The following ELFN2 variants were observed in gnomAD, a reference collection of about 807,000 sequenced individuals.
ELFN2 encodes protein phosphatase 1 regulatory subunit 29.
In ELFN2, 17 loss-of-function variants were observed where a neutral mutation model predicts 45.5. The observed-to-expected ratio is 0.37, with a 90% CI of 0.26 to 0.56. The LOEUF is 0.56. ELFN2 is among the 20% of genes least tolerant of loss of function. ELFN2 has a pLI of 0.77. For missense variants in ELFN2, 922 were observed against 1,183.2 expected, an observed-to-expected ratio of 0.78 and a Z score of 3.24; for synonymous variants, 550 against 551.5, an observed-to-expected ratio of 1.00 and a Z score of 0.04.
intron 2 of ELFN2, among the ~76,000 whole-genome samples, chr22:37,413,286 C>G (rs561826044): frequency 2.0e-5 from 3 of 152,018 alleles, no homozygotes; most frequent in African/African-American, 4.8e-5. Context: ...TTGCCTATTC[C>G]AAAATCAAAG....
rs1931319861 is a variant in ELFN2, at chr22:37,369,960, A to C, written c.*3112T>G. ...CCTTGGATGGCAACATTTTGTGAAT[A>C]CTTCCCTCCCGCCTGGGAAAAACTC... On this transcript the variant is annotated 3_prime_UTR_variant, in exon 3 of 3. Transcript: ENST00000402918. The C allele has an allele frequency of 6.6e-6, 1 of 152,242 alleles. No homozygotes were observed. Among genetic ancestry groups the C allele is most frequent in the African/African-American group, 2.4e-5 (1 of 41,430 alleles). 9.4% of individuals were successfully genotyped at this position (152,242 alleles called of 1,614,324 possible). A position where few individuals can be genotyped will look rare whatever the true frequency, so the allele number is the denominator to read the frequency against.
Position 37,369,873 on chromosome 22 carries a change from C to G in ELFN2, c.*3199G>C, listed in dbSNP as rs1325964453. ...CTGCCCTCTTTTCCTGGTGTCTGCC[C>G]TGCTGGCCTGCCCCAGACCACAGCC... On this transcript the variant is annotated 3_prime_UTR_variant, in exon 3 of 3. Coordinates refer to ENST00000402918, the MANE Select transcript of ELFN2 (RefSeq NM_052906.5). The G allele has an allele frequency of 6.5e-6, 1 of 152,760 alleles. No homozygotes were observed. The highest frequency in any genetic ancestry group is 1.9e-4 in the East Asian group (1 of 5,188). 9.5% of individuals were successfully genotyped at this position (152,760 alleles called of 1,614,324 possible). A position where few individuals can be genotyped will look rare whatever the true frequency, so the allele number is the denominator to read the frequency against.
intron 2 of ELFN2, among the ~76,000 whole-genome samples, chr22:37,393,109 C>T (rs1442059716): frequency 6.6e-6 from 1 of 152,212 alleles, no homozygotes; most frequent in African/African-American, 2.4e-5. Context: ...GTGACAGCTG[C>T]TGTGTGACCT....
intron 2 of ELFN2, among the ~76,000 whole-genome samples, chr22:37,411,984 A>T (rs1283722230): frequency 6.6e-6 from 1 of 151,992 alleles, no homozygotes; most frequent in Non-Finnish European, 1.5e-5. Flanking sequence ...CCAAAAAAAA[A>T]GTCTTCCCAG....
At chr22:37,356,344 G>A (rs1930949131) in intron 1 of ELFN2, among the ~76,000 whole-genome samples, 3 of 152,166 alleles carry the variant, frequency 2.0e-5, no homozygotes, top group Non-Finnish European at 4.4e-5. Flanking sequence ...TACAGCATGG[G>A]GCAGCCCCAG....
intron 2 of ELFN2, among the ~76,000 whole-genome samples, chr22:37,407,054 G>A (rs570263500): frequency 2.0e-5 from 3 of 152,364 alleles, no homozygotes; most frequent in Admixed American, 2.0e-4. Context: ...TTTGAAGCTG[G>A]ATAATTGAGC....
In ELFN2 at chr22:37,372,716, G is replaced by A. The variant is rs1225874990; in HGVS notation, c.*356C>T. On this transcript the variant is annotated 3_prime_UTR_variant, in exon 3 of 3. Transcript: ENST00000402918. The surrounding 1 kb of genome is among the most constrained non-coding windows in gnomAD (Gnocchi z 4.4). ...ACCCCCACACCTGTTTCTAGCCCCA[G>A]ACCCCCCAGACCCCACACCCTCTCT... The A allele has an allele frequency of 9.8e-6, 1 of 102,286 alleles. No homozygotes were observed. The highest frequency in any genetic ancestry group is 1.6e-5 in the Non-Finnish European group (1 of 62,808). 6.3% of individuals were successfully genotyped at this position (102,286 alleles called of 1,614,324 possible). A position where few individuals can be genotyped will look rare whatever the true frequency, so the allele number is the denominator to read the frequency against.
Position 37,427,344 on chromosome 22 carries a change from G to C in ELFN2, c.-660C>G, listed in dbSNP as rs1932861223. The C allele has an allele frequency of 6.5e-6, 1 of 152,898 alleles. No individual in the cohort carries two copies. The highest frequency in any genetic ancestry group is 2.1e-4 in the South Asian group (1 of 4,858). The allele number at this position is 152,898 out of a possible 1,614,324, so 9.5% of individuals were successfully genotyped here. Reference sequence around the variant, plus strand: ...GGCCAAGCACCGCCTCCGGGAAGCGGCGGCCGCGGGGCCTGCGCGTGTGAG... The same window carrying C: ...GGCCAAGCACCGCCTCCGGGAAGCGCCGGCCGCGGGGCCTGCGCGTGTGAG... On this transcript the variant is annotated 5_prime_UTR_variant, in exon 1 of 3. Transcript: ENST00000402918.
intron 2 of ELFN2, among the ~76,000 whole-genome samples, chr22:37,395,337 G>T (rs1353657231): frequency 6.6e-6 from 1 of 152,046 alleles, no homozygotes; most frequent in Admixed American, 6.6e-5. Context: ...CCACACGCCA[G>T]ACCCAAGTAG....
At chr22:37,379,489 C>T (rs1931687392) in intron 2 of ELFN2, among the ~76,000 whole-genome samples, 2 of 152,190 alleles carry the variant, frequency 1.3e-5, no homozygotes, top group Non-Finnish European at 2.9e-5. Flanking sequence ...TGGACCCCTC[C>T]CCTAGAGCTT....
At chr22:37,407,237 A>T (rs1277133574) in intron 2 of ELFN2, among the ~76,000 whole-genome samples, 1 of 152,180 alleles carries the variant, frequency 6.6e-6, no homozygotes, top group Non-Finnish European at 1.5e-5. Context: ...GGCTCTGGGA[A>T]AGTCCTTGCC....
rs114725261 is a variant in ELFN2, at chr22:37,376,018, G to A, written c.-462-22C>T. On this transcript the variant is annotated intron_variant, in intron 2 of 2. Coordinates refer to ENST00000402918, the MANE Select transcript of ELFN2 (RefSeq NM_052906.5). The stretch of plus-strand genomic sequence containing the variant: ...GTTCCTGAAAGGCAGCATCGAGAGC[G>A]GGTGACAGATCAGTGTGAGGGCTCA... 171 of 181,112 alleles carry A rather than the reference G, an allele frequency of 9.4e-4. 1 individual carries two copies. The highest frequency in any genetic ancestry group is 3.4e-3 in the African/African-American group (143 of 41,696). 11.2% of individuals were successfully genotyped at this position (181,112 alleles called of 1,614,324 possible).
intron 1 of ELFN2, among the ~76,000 whole-genome samples, chr22:37,422,253 G>A (rs1932813960): frequency 6.6e-6 from 1 of 152,122 alleles, no homozygotes; most frequent in Non-Finnish European, 1.5e-5. Flanking sequence ...AATGAACGGA[G>A]GGGGCAGATG....
chr22:37,376,623 G>A (rs1271487230), intron 2 of ELFN2, among the ~76,000 whole-genome samples: 1 of 152,206 alleles, frequency 6.6e-6, no homozygotes, highest in Non-Finnish European at 1.5e-5. Flanking sequence ...CATGGGGGAG[G>A]GGGAGCAGAA....
At chr22:37,343,713 C>A (rs1271892504) in intron 1 of ELFN2, among the ~76,000 whole-genome samples, 1 of 56,606 alleles carries the variant, frequency 1.8e-5, no homozygotes, top group Non-Finnish European at 3.7e-5. Flanking sequence ...CCAGACCCAC[C>A]CCCCCCGGAC....
downstream of ELFN2, among the ~76,000 whole-genome samples, chr22:37,363,896 C>T (rs550043055): frequency 1.1e-4 from 17 of 152,276 alleles, no homozygotes; most frequent in African/African-American, 2.9e-4. Context: ...AGCGGGAGGC[C>T]AGAACCGTCA....
intron 2 of ELFN2, among the ~76,000 whole-genome samples, chr22:37,400,435 G>A (rs773542519): frequency 3.3e-5 from 5 of 152,132 alleles, no homozygotes; most frequent in Non-Finnish European, 7.3e-5. Context: ...GGGCAGGGCT[G>A]GGGCAAAGGC....
chr22:37,390,805 A>G (rs192225921), intron 2 of ELFN2, among the ~76,000 whole-genome samples: 142 of 152,202 alleles, frequency 9.3e-4, no homozygotes, highest in Middle Eastern at 3.4e-3. Context: ...CTGCTCCATG[A>G]CCATGACTGC....
downstream of ELFN2, among the ~76,000 whole-genome samples, chr22:37,363,111 A>G (rs1221304521): frequency 6.6e-6 from 1 of 152,190 alleles, no homozygotes; most frequent in East Asian, 1.9e-4. Flanking sequence ...TAGTTATTTT[A>G]AAAGTCAGTT....
Sources: allele counts gnomAD v4.1 joint callset (sites outside exome capture counted in the v4.1 genomes callset), GRCh38; gene constraint gnomAD v4.1.1; non-coding constraint Gnocchi (gnomAD v3.1); transcripts MANE v1.5; gene names NCBI Gene and HGNC (gene_info 2026-07-23, HGNC 2026-07-21).